Variants in LUZP2 observed in about 807,000 individuals in gnomAD.
The protein encoded by LUZP2 is leucine zipper protein 2.
LUZP2 carries 52 observed loss-of-function variants against 51.6 expected under a neutral mutation model. That is an observed-to-expected ratio of 1.01 (90% CI 0.81 to 1.27). The LOEUF is 1.27. LUZP2 is among the 50% of genes most tolerant of loss of function. LUZP2 has a pLI of 0.00. For synonymous variants in LUZP2, 154 were observed against 137.3 expected, an observed-to-expected ratio of 1.12 and a Z score of -0.85; for missense variants, 436 against 395.4, an observed-to-expected ratio of 1.10 and a Z score of -0.87.
chr11:24,797,531 C>T (rs571203743), intron 5 of LUZP2, among the ~76,000 whole-genome samples: 2 of 152,240 alleles, frequency 1.3e-5, no homozygotes, highest in South Asian at 2.1e-4. Flanking sequence ...TGTACAAGGT[C>T]GGAGAGCAAA....
intron 7 of LUZP2, among the ~76,000 whole-genome samples, chr11:24,957,976 C>A (rs1855259915): frequency 6.6e-6 from 1 of 152,140 alleles, no homozygotes; most frequent in South Asian, 2.1e-4. Flanking sequence ...TGTTCAGTTC[C>A]CACCTATGAG....
intron 7 of LUZP2, among the ~76,000 whole-genome samples, chr11:24,923,019 T>C (rs1336621049): frequency 6.6e-6 from 1 of 151,572 alleles, no homozygotes; most frequent in Non-Finnish European, 1.5e-5. Flanking sequence ...TAGCTAATTT[T>C]TTGTATTTTT....
chr11:24,943,946 A>G (rs1451527434), intron 7 of LUZP2, among the ~76,000 whole-genome samples: 1 of 152,210 alleles, frequency 6.6e-6, no homozygotes, highest in South Asian at 2.1e-4. Context: ...TGCTGTGGAC[A>G]AAATATAAGT....
chr11:24,567,979 G>T (rs1021563474), intron 1 of LUZP2, among the ~76,000 whole-genome samples: 3 of 151,936 alleles, frequency 2.0e-5, no homozygotes, highest in African/African-American at 7.3e-5. Context: ...TAATAAAATT[G>T]CATAAAATAA....
intron 1 of LUZP2, among the ~76,000 whole-genome samples, chr11:24,580,649 A>C (rs1852818334): frequency 6.6e-6 from 1 of 152,086 alleles, no homozygotes; most frequent in Non-Finnish European, 1.5e-5. Context: ...ATTTTTTTGC[A>C]AATGTGATAA....
At chr11:25,018,567 C>A (rs1045093419) in intron 9 of LUZP2, among the ~76,000 whole-genome samples, 2 of 148,904 alleles carry the variant, frequency 1.3e-5, no homozygotes, top group Non-Finnish European at 3.0e-5. Flanking sequence ...AGTCTTTGAG[C>A]TATAATATAA....
chr11:24,665,876 A>G (rs1280339705), intron 1 of LUZP2, among the ~76,000 whole-genome samples: 1 of 152,256 alleles, frequency 6.6e-6, no homozygotes, highest in East Asian at 1.9e-4. Context: ...AAGTGAACTA[A>G]TACAATAGTA....
rs920553438 is a variant in LUZP2 at position 25,082,444 on chromosome 11, A to C, written c.*3786A>C. On this transcript the variant is annotated 3_prime_UTR_variant, in exon 12 of 12. Transcript: ENST00000336930. ...CCGTAGAGTACCATAGAGTAGGTTGAACTGGCCAGACCTAGACAATGAAGA... is the reference window on the plus strand; with the variant it reads ...CCGTAGAGTACCATAGAGTAGGTTGCACTGGCCAGACCTAGACAATGAAGA... 5 of 152,592 alleles carry C rather than the reference A, an allele frequency of 3.3e-5. No homozygotes were observed. Among genetic ancestry groups the C allele is most frequent in the African/African-American group, 4.8e-5 (2 of 41,454 alleles). The allele number at this position is 152,592 out of a possible 1,614,324, so 9.5% of individuals were successfully genotyped here. A position where few individuals can be genotyped will look rare whatever the true frequency, so the allele number is the denominator to read the frequency against.
intron 5 of LUZP2, among the ~76,000 whole-genome samples, chr11:24,839,990 G>A (rs1021092015): frequency 6.6e-6 from 1 of 151,644 alleles, no homozygotes; most frequent in Non-Finnish European, 1.5e-5. Context: ...ATTTTGCCAT[G>A]AAAAGGAAAA....
intron 10 of LUZP2, among the ~76,000 whole-genome samples, chr11:25,070,802 TGTGTGTG>T (rs1859136049): frequency 6.6e-6 from 1 of 150,804 alleles, no homozygotes; most frequent in Non-Finnish European, 1.5e-5. Flanking sequence ...TGTGTGTGTG[TGTGTGTG>T]TGTGTGTTAC....
At chr11:24,906,781 G>A (rs146225013) in intron 6 of LUZP2, among the ~76,000 whole-genome samples, 5 of 152,164 alleles carry the variant, frequency 3.3e-5, no homozygotes, top group South Asian at 4.2e-4. Flanking sequence ...TTAAATGTGC[G>A]AGAAATATAT....
intron 10 of LUZP2, among the ~76,000 whole-genome samples, chr11:25,076,506 G>A (rs1164406998): frequency 6.6e-6 from 1 of 150,696 alleles, no homozygotes; most frequent in South Asian, 2.1e-4. Context: ...AGAGGAAGGA[G>A]GAAAAGTATC....
At chr11:24,906,190 T>C in intron 6 of LUZP2, 137 bp downstream of exon 6, 1 of 478,070 alleles carries the variant, frequency 2.1e-6, no homozygotes. Flanking sequence ...AAATATAATA[T>C]ATTTTAAACC....
At chr11:24,949,181 T>C (rs1158597088) in intron 7 of LUZP2, among the ~76,000 whole-genome samples, 2 of 151,312 alleles carry the variant, frequency 1.3e-5, no homozygotes, top group African/African-American at 4.8e-5. Flanking sequence ...GCAAAAAGGG[T>C]AAATTCCTCT....
chr11:24,653,650 G>A (rs1218856718), intron 1 of LUZP2, among the ~76,000 whole-genome samples: 2 of 152,184 alleles, frequency 1.3e-5, no homozygotes, highest in Non-Finnish European at 2.9e-5. Flanking sequence ...TCCTCTAGCT[G>A]ATACCTGGGG....
chr11:24,501,683 G>A (rs78961907), intron 1 of LUZP2, among the ~76,000 whole-genome samples: 11,299 of 152,132 alleles, frequency 0.074, 496 homozygotes, highest in African/African-American at 0.12. Context: ...ACATGTCTTT[G>A]ATGTTTCATT....
Position 24,601,927 on chromosome 11 carries a change from T to TGTATAA in LUZP2, c.62+104622_62+104623insGTATAA, listed in dbSNP as rs1452411903. On this transcript the variant is annotated intron_variant, in intron 1 of 11. Coordinates refer to ENST00000336930, the MANE Select transcript of LUZP2 (RefSeq NM_001009909.4). Reference sequence around the variant, plus strand: ...ATGTATATATGTATATATGTATATATATGTATATATGTATATATGTATAAA... The same window carrying TGTATAA: ...ATGTATATATGTATATATGTATATATGTATAAATGTATATATGTATATATGTATAAA... 4.8e-3 allele frequency among the ~76,000 whole-genome samples: 654 copies of TGTATAA among 135,294 alleles called. 4 individuals are homozygous for TGTATAA. Among genetic ancestry groups the TGTATAA allele is most frequent in the African/African-American group, 0.017 (585 of 34,324 alleles). 88.8% of individuals were successfully genotyped at this position (135,294 alleles called of 152,430 possible).
chr11:24,790,495 T>C (rs1258441764), intron 5 of LUZP2, among the ~76,000 whole-genome samples: 1 of 151,970 alleles, frequency 6.6e-6, no homozygotes, highest in East Asian at 1.9e-4. Context: ...TCTTTATTTT[T>C]ATTTATTTAT....
chr11:24,843,880 A>T (rs1275488999), intron 5 of LUZP2, among the ~76,000 whole-genome samples: 1 of 152,154 alleles, frequency 6.6e-6, no homozygotes, highest in Non-Finnish European at 1.5e-5. Flanking sequence ...CATCCATGTA[A>T]GATGTGACTT....
Sources: gnomAD v4.1 joint callset for allele counts (sites outside exome capture counted in the v4.1 genomes callset) on GRCh38, gnomAD v4.1.1 for gene constraint, MANE v1.5 for transcripts, NCBI Gene and HGNC (gene_info 2026-07-23, HGNC 2026-07-21) for gene names.